Variants in CHID1 observed in about 807,000 individuals in gnomAD.
The protein encoded by CHID1 is chitinase domain containing 1, also known as chitinase domain-containing protein 1.
CHID1 carries 44 observed loss-of-function variants against 55.4 expected under a neutral mutation model. That is an observed-to-expected ratio of 0.79 (90% CI 0.62 to 1.02). CHID1 has a LOEUF of 1.02. Among genes scored for constraint, CHID1 ranks in the 50% least tolerant of loss-of-function variants. The pLI is 0.00. For missense variants in CHID1, 491 were observed against 515.3 expected (o/e 0.95, Z 0.46); for synonymous variants, 216 against 212.9 (o/e 1.01, Z -0.13).
At chr11:893,313 G>T in intron 8 of CHID1, 114 bp downstream of exon 8, 1 of 779,620 alleles carries the variant, frequency 1.3e-6, no homozygotes, top group Non-Finnish European at 2.1e-6. Context: ...CAGACGGGAT[G>T]AGGTTTGGGT....
intron 10 of CHID1, among the ~76,000 whole-genome samples, chr11:873,128 A>G (rs1484553585): frequency 1.3e-5 from 2 of 152,130 alleles, no homozygotes; most frequent in African/African-American, 2.4e-5. Flanking sequence ...CCCAGCTCCC[A>G]AAAGCCCAGG....
At chr11:897,231 C>G (rs113516971) in intron 7 of CHID1, among the ~76,000 whole-genome samples, 2 of 139,160 alleles carry the variant, frequency 1.4e-5, no homozygotes, top group African/African-American at 2.6e-5. Context: ...CAGACACGAG[C>G]CTGTCTCAGC....
intron 10 of CHID1, among the ~76,000 whole-genome samples, chr11:872,463 G>A (rs1305464121): frequency 6.6e-6 from 1 of 152,160 alleles, no homozygotes; most frequent in Non-Finnish European, 1.5e-5. Context: ...AGTCCCTCTA[G>A]ACTCTGGTAA....
chr11:886,954 G>T (rs991515378), intron 8 of CHID1, among the ~76,000 whole-genome samples: 24 of 152,206 alleles, frequency 1.6e-4, no homozygotes, highest in African/African-American at 5.1e-4. Context: ...CTCCATGCAC[G>T]CATCCACTGT....
rs950045758 is a variant in CHID1 at position 875,187 on chromosome 11, A to C, written c.960-4688T>G. The stretch of plus-strand genomic sequence containing the variant: ...CTGGCCCTCCCCAAGCCCACCCTGC[A>C]GACACTGAAACCCCAGGCCAGGTGC... On this transcript the variant is annotated intron_variant, in intron 10 of 12. Coordinates refer to ENST00000323578, the MANE Select transcript of CHID1 (RefSeq NM_023947.4). This position sits in a 1 kb window ranked among gnomAD's most constrained non-coding sequence, Gnocchi z 4.7. 1.2e-4 allele frequency among the ~76,000 whole-genome samples: 19 copies of C among 152,326 alleles called. No homozygotes were observed. Among genetic ancestry groups the C allele is most frequent in the African/African-American group, 4.3e-4 (18 of 41,590 alleles).
At chr11:878,788 G>A (rs1849690461) in intron 10 of CHID1, among the ~76,000 whole-genome samples, 1 of 151,546 alleles carries the variant, frequency 6.6e-6, no homozygotes, top group Non-Finnish European at 1.5e-5. Flanking sequence ...TGCAACGTCT[G>A]CCTCCCGGGT....
intron 10 of CHID1, among the ~76,000 whole-genome samples, chr11:877,253 C>T (rs1374177042): frequency 6.6e-6 from 1 of 152,160 alleles, no homozygotes; most frequent in Non-Finnish European, 1.5e-5. Context: ...GGTGCAACTG[C>T]CCACGGGAAG....
chr11:912,327 A>G (rs1246100289), upstream of CHID1, among the ~76,000 whole-genome samples: 2 of 152,134 alleles, frequency 1.3e-5, no homozygotes, highest in African/African-American at 4.8e-5. Context: ...AAAAACAAAA[A>G]AAAGAATTGC....
intron 4 of CHID1, 70 bp downstream of exon 4, chr11:902,128 A>G: frequency 1.3e-6 from 2 of 1,580,630 alleles, no homozygotes; most frequent in Non-Finnish European, 1.7e-6. Context: ...ACACACACAC[A>G]CCCCTGCTCT....
intron 4 of CHID1, 54 bp from the exon 5 acceptor site, chr11:901,034 C>G: frequency 6.6e-7 from 1 of 1,510,766 alleles, no homozygotes; most frequent in Non-Finnish European, 9.0e-7. Flanking sequence ...AACTGGAAGA[C>G]CCAGCCTACC....
intron 10 of CHID1, among the ~76,000 whole-genome samples, chr11:876,025 G>C (rs975545408): frequency 2.0e-5 from 3 of 152,166 alleles, no homozygotes; most frequent in African/African-American, 4.8e-5. Flanking sequence ...CTGCTCTTTA[G>C]GGCGGTCGCA....
intron 10 of CHID1, among the ~76,000 whole-genome samples, chr11:871,933 C>A (rs1392008059): frequency 2.6e-5 from 4 of 152,214 alleles, no homozygotes; most frequent in Non-Finnish European, 5.9e-5. Context: ...CCCCTTGACA[C>A]TGGGAGCCTC....
rs150926815 is a variant in CHID1 at position 870,486 on chromosome 11, G to A, written c.973C>T (p.Leu325=). ...ACCATCCGGGGCCTGTGGTCCTTCA[G>A]TGTCTGGATGTACCTGGGGAGACCA... is the stretch of plus-strand genomic sequence containing the variant. ...PVVGARYIQT[L]KDHRPRMVWD... is the part of the protein sequence containing the mutation. Residue 325 remains leucine, a synonymous_variant, in exon 11 of 13, where the codon CTG becomes TTG. Coordinates refer to ENST00000323578, the MANE Select transcript of CHID1 (RefSeq NM_023947.4). 260 of 1,610,286 alleles carry A rather than the reference G, an allele frequency of 1.6e-4. No homozygotes were observed. In the African/African-American group the frequency reaches 3.3e-3, roughly 20 times the overall value.
intron 7 of CHID1, among the ~76,000 whole-genome samples, chr11:897,416 G>A (rs1851446198): frequency 6.6e-6 from 1 of 152,238 alleles, no homozygotes; most frequent in Non-Finnish European, 1.5e-5. Context: ...CAGGATTAGT[G>A]AGAAGGCTGG....
chr11:887,389 T>C (rs779113109), intron 8 of CHID1, among the ~76,000 whole-genome samples: 13 of 152,204 alleles, frequency 8.5e-5, no homozygotes, highest in Non-Finnish European at 1.9e-4. Flanking sequence ...CAGGTGGTCA[T>C]GTGCTCTTGG....
intron 8 of CHID1, among the ~76,000 whole-genome samples, chr11:886,471 TGTGGACAGGG>T (rs1453882385): frequency 6.6e-6 from 1 of 152,184 alleles, no homozygotes; most frequent in African/African-American, 2.4e-5. Flanking sequence ...TCGGTCTTGC[TGTGGACAGGG>T]TGCTTGTGTC....
chr11:901,594 G>A (rs1043474442), intron 4 of CHID1, among the ~76,000 whole-genome samples: 2 of 152,196 alleles, frequency 1.3e-5, no homozygotes, highest in African/African-American at 4.8e-5. Flanking sequence ...CTGAGAGAGG[G>A]ACAGAGGAGG....
chr11:877,781 C>CAGCACTGT (rs1565165638), intron 10 of CHID1, among the ~76,000 whole-genome samples: 8 of 141,240 alleles, frequency 5.7e-5, no homozygotes, highest in Non-Finnish European at 1.2e-4. Flanking sequence ...CTTTAGAAGG[C>CAGCACTGT]GGCACTGTGG....
intron 7 of CHID1, among the ~76,000 whole-genome samples, chr11:894,826 T>C (rs1851140892): frequency 6.6e-6 from 1 of 152,212 alleles, no homozygotes; most frequent in Admixed American, 6.5e-5. Flanking sequence ...GGGCCTGGCA[T>C]GTGCAACTGC....
Sources: gnomAD v4.1 joint callset for allele counts (sites outside exome capture counted in the v4.1 genomes callset) on GRCh38, gnomAD v4.1.1 for gene constraint, Gnocchi (gnomAD v3.1) non-coding constraint, MANE v1.5 for transcripts, NCBI Gene and HGNC (gene_info 2026-07-23, HGNC 2026-07-21) for gene names.